Variants in PGBD2 observed in about 807,000 individuals in gnomAD.
The protein encoded by PGBD2 is piggyBac transposable element derived 2.
A neutral mutation model predicts 8.1 loss-of-function variants in PGBD2; 6 were observed. The observed-to-expected ratio is 0.74, with a 90% CI of 0.40 to 1.46. PGBD2 has a LOEUF of 1.46. PGBD2 is among the 40% of genes most tolerant of loss of function. PGBD2 has a pLI of 0.02. For missense variants in PGBD2, 802 were observed against 739.0 expected (o/e 1.09, Z -0.99); for synonymous variants, 318 against 272.2 (o/e 1.17, Z -1.66).
chr1:248,925,323 G>A, the PGBD2 span, among the ~76,000 whole-genome samples: 11 of 152,182 alleles, frequency 7.2e-5, no homozygotes, highest in South Asian at 6.2e-4. Flanking sequence ...ATGGAAGGGC[G>A]GGCAGTGGGG....
chr1:248,881,453 G>A, the PGBD2 span, among the ~76,000 whole-genome samples: 2 of 152,188 alleles, frequency 1.3e-5, no homozygotes, highest in African/African-American at 4.8e-5. Flanking sequence ...CTGTGGTAAT[G>A]TTTTGAATTG....
At chr1:248,881,017 A>T in the PGBD2 span, among the ~76,000 whole-genome samples, 5 of 152,158 alleles carry the variant, frequency 3.3e-5, no homozygotes, top group Non-Finnish European at 7.3e-5. Flanking sequence ...AAGGGTATGC[A>T]TCTGCTGCCT....
the PGBD2 span, among the ~76,000 whole-genome samples, chr1:248,880,411 G>T: frequency 6.6e-6 from 1 of 152,166 alleles, no homozygotes; most frequent in Non-Finnish European, 1.5e-5. Context: ...TTTTTGAATG[G>T]GCTGTATTTG....
At chr1:248,922,955 G>C (rs1431591132), downstream of PGBD2, among the ~76,000 whole-genome samples, 1 of 152,196 alleles carries the variant, frequency 6.6e-6, no homozygotes, top group Non-Finnish European at 1.5e-5. Context: ...TTGGTATCAG[G>C]ATGATGCTGG....
chr1:248,901,937 T>C (rs1661541032), upstream of PGBD2, among the ~76,000 whole-genome samples: 1 of 152,096 alleles, frequency 6.6e-6, no homozygotes. Flanking sequence ...AACAGCCCCA[T>C]TAAAAACATC....
the PGBD2 span, among the ~76,000 whole-genome samples, chr1:248,894,625 C>G: frequency 6.6e-6 from 1 of 152,106 alleles, no homozygotes; most frequent in African/African-American, 2.4e-5. Flanking sequence ...TTTAATAAGT[C>G]AAAACTCACT....
chr1:248,929,550 G>A, the PGBD2 span, among the ~76,000 whole-genome samples: 1 of 152,182 alleles, frequency 6.6e-6, no homozygotes, highest in Admixed American at 6.5e-5. Context: ...CGAGTCAGGA[G>A]CGTCTCCCCT....
the PGBD2 span, among the ~76,000 whole-genome samples, chr1:248,875,684 G>A: frequency 4.6e-5 from 7 of 152,036 alleles, no homozygotes; most frequent in Admixed American, 2.6e-4. Context: ...TTCTCTCTGG[G>A]TATCTTTTTC....
chr1:248,912,498 A>T (rs888763893), intron 1 of PGBD2, among the ~76,000 whole-genome samples: 4 of 152,194 alleles, frequency 2.6e-5, no homozygotes, highest in African/African-American at 9.7e-5. Flanking sequence ...AAATGCATTG[A>T]CATCGGTAAA....
At chr1:248,898,654 A>G in the PGBD2 span, among the ~76,000 whole-genome samples, 1 of 152,246 alleles carries the variant, frequency 6.6e-6, no homozygotes, top group Admixed American at 6.5e-5. Context: ...CTACAAAAAC[A>G]CACTGAAGTA....
rs574915396 is a variant in PGBD2, at chr1:248,915,229, C to T, written c.17+1350C>T. Among the ~76,000 whole-genome samples, 6 of 152,354 alleles carry T rather than the reference C, an allele frequency of 3.9e-5. No individual in the cohort carries two copies. In the East Asian group the frequency reaches 7.7e-4, roughly 20 times the overall value. On this transcript the variant is annotated intron_variant, in intron 2 of 2. Transcript: ENST00000329291. ...CAGGGTGGGAGTGGAGTGTACCCATCGCCAGCCCCTGGGCAGCACCTGCTC... is the reference window on the plus strand; with the variant it reads ...CAGGGTGGGAGTGGAGTGTACCCATTGCCAGCCCCTGGGCAGCACCTGCTC...
chr1:248,915,807 C>A (rs1662078840), intron 2 of PGBD2, among the ~76,000 whole-genome samples: 1 of 152,114 alleles, frequency 6.6e-6, no homozygotes, highest in African/African-American at 2.4e-5. Context: ...AGTGAGAGTT[C>A]AAGTTGGGAG....
the PGBD2 span, among the ~76,000 whole-genome samples, chr1:248,929,386 G>C: frequency 2.2e-4 from 33 of 152,240 alleles, no homozygotes; most frequent in African/African-American, 7.0e-4. Context: ...AACGTATCCA[G>C]CCAAGGCTGT....
At chr1:248,889,059 A>G in the PGBD2 span, among the ~76,000 whole-genome samples, 1 of 152,082 alleles carries the variant, frequency 6.6e-6, no homozygotes. Context: ...ATGACTTATA[A>G]TAGCAACAAT....
chr1:248,917,724 G>A lies in PGBD2; in HGVS notation c.1140G>A (p.Glu380=). 6.2e-7 allele frequency: 1 copy of A among 1,614,212 alleles called. No individual in the cohort carries two copies. Among genetic ancestry groups the A allele is most frequent in the Non-Finnish European group, 8.5e-7 (1 of 1,180,038 alleles). ...ATGTVREYRT[E]RCPLKDPKEL... Reference sequence around the variant, plus strand: ...GAACTGTTCGTGAGTACAGGACTGAGCGATGTCCCCTAAAAGACCCCAAAG... The same window carrying A: ...GAACTGTTCGTGAGTACAGGACTGAACGATGTCCCCTAAAAGACCCCAAAG... The change falls in exon 3 of 3, where the codon GAG becomes GAA. Residue 380 remains glutamate (E), a synonymous_variant. Coordinates refer to ENST00000329291, the MANE Select transcript of PGBD2 (RefSeq NM_170725.3).
the PGBD2 span, among the ~76,000 whole-genome samples, chr1:248,883,584 CT>C: frequency 0.012 from 1,077 of 89,136 alleles, no homozygotes; most frequent in Non-Finnish European, 0.017. Context: ...TTTTTTTTTT[CT>C]TTTTTTTTTT....
At chr1:248,906,104 C>T (rs370469580), upstream of PGBD2, 9 of 150,722 alleles carry the variant, frequency 6.0e-5, no homozygotes, top group East Asian at 1.2e-3. Context: ...TCTGGCCTCG[C>T]AGGCGTTTTC....
At chr1:248,897,642 T>C in the PGBD2 span, among the ~76,000 whole-genome samples, 1,434 of 152,242 alleles carry the variant, frequency 9.4e-3, 21 homozygotes, top group African/African-American at 0.033. Flanking sequence ...GCAGGAGTTT[T>C]TGCATGCTGA....
intron 2 of PGBD2, chr1:248,914,679 A>T: frequency 9.3e-7 from 1 of 1,072,822 alleles, no homozygotes; most frequent in South Asian, 1.4e-5. Flanking sequence ...CTCTGTGCCT[A>T]CCCTCCATGC....
Sources: allele counts gnomAD v4.1 joint callset (sites outside exome capture counted in the v4.1 genomes callset), GRCh38; gene constraint gnomAD v4.1.1; transcripts MANE v1.5; gene names NCBI Gene and HGNC (gene_info 2026-07-23, HGNC 2026-07-21).